BLTP3B: variants seen among roughly 807,000 people sequenced by gnomAD.
BLTP3B encodes the protein UHRF1 (ICBP90) binding protein 1-like.
At chr12:100,132,466 C>T in the BLTP3B span, among the ~76,000 whole-genome samples, 7 of 152,098 alleles carry the variant, frequency 4.6e-5, no homozygotes, top group African/African-American at 1.7e-4. Flanking sequence ...GTAGTTCTCA[C>T]GTGCGTAGGT....
At chr12:100,042,787 A>AT in the BLTP3B span, among the ~76,000 whole-genome samples, 1 of 152,152 alleles carries the variant, frequency 6.6e-6, no homozygotes, top group Non-Finnish European at 1.5e-5. Flanking sequence ...AATCATTAGC[A>AT]TTTTTTAGCA....
At chr12:100,066,629 T>TAA in the BLTP3B span, among the ~76,000 whole-genome samples, 3 of 136,112 alleles carry the variant, frequency 2.2e-5, no homozygotes, top group African/African-American at 2.6e-5. Flanking sequence ...CTGTCTCTAC[T>TAA]AAAAAAAAAA....
the BLTP3B span, among the ~76,000 whole-genome samples, chr12:100,040,573 G>A: frequency 6.6e-6 from 1 of 151,962 alleles, no homozygotes; most frequent in Non-Finnish European, 1.5e-5. Flanking sequence ...CTGGCAGAAG[G>A]CAGCCTGGAG....
the BLTP3B span, among the ~76,000 whole-genome samples, chr12:100,045,733 C>G: frequency 6.6e-6 from 1 of 152,164 alleles, no homozygotes; most frequent in Non-Finnish European, 1.5e-5. Context: ...CAAATGGGAT[C>G]TAATTAAACT....
At chr12:100,081,853 G>A in the BLTP3B span, among the ~76,000 whole-genome samples, 1 of 152,152 alleles carries the variant, frequency 6.6e-6, no homozygotes, top group Non-Finnish European at 1.5e-5. Flanking sequence ...TTGTTATTGT[G>A]AATAGTGCTG....
chr12:100,124,978 A>G, the BLTP3B span, among the ~76,000 whole-genome samples: 1 of 99,260 alleles, frequency 1.0e-5, no homozygotes, highest in Non-Finnish European at 1.9e-5. Context: ...ATATATATAT[A>G]TTTATATTTA....
At chr12:100,057,689 C>T in the BLTP3B span, 1 of 1,612,092 alleles carries the variant, frequency 6.2e-7, no homozygotes, top group East Asian at 2.2e-5. Context: ...TTTTCATATT[C>T]TTATAAGAAA....
chr12:100,087,920 TAA>T, the BLTP3B span, among the ~76,000 whole-genome samples: 2 of 152,168 alleles, frequency 1.3e-5, no homozygotes, highest in Non-Finnish European at 2.9e-5. Context: ...ATCTCTAAAG[TAA>T]AAGATGCCAA....
the BLTP3B span, chr12:100,050,027 AC>A: frequency 1.2e-6 from 1 of 834,382 alleles, no homozygotes; most frequent in Non-Finnish European, 1.7e-6. Context: ...TATAGAAAAA[AC>A]CACTAACTAC....
At chr12:100,097,420 G>A in the BLTP3B span, 1 of 1,613,484 alleles carries the variant, frequency 6.2e-7, no homozygotes, top group Non-Finnish European at 8.5e-7. Flanking sequence ...TCGAACAGGA[G>A]CACACATAAT....
chr12:100,059,368 T>C, the BLTP3B span: 162 of 1,613,948 alleles, frequency 1.0e-4, no homozygotes, highest in East Asian at 3.0e-3. Context: ...TATGTTTTAC[T>C]AAAAAAATCA....
At chr12:100,092,665 T>C in the BLTP3B span, 1 of 153,994 alleles carries the variant, frequency 6.5e-6, no homozygotes, top group Non-Finnish European at 1.4e-5. Context: ...TTCTAATCCA[T>C]ATTCCATTTT....
At chr12:100,114,532 A>G in the BLTP3B span, among the ~76,000 whole-genome samples, 1 of 152,224 alleles carries the variant, frequency 6.6e-6, no homozygotes, top group Non-Finnish European at 1.5e-5. Flanking sequence ...TGAAATTCTC[A>G]TTATCATATG....
the BLTP3B span, among the ~76,000 whole-genome samples, chr12:100,141,475 T>C: frequency 6.6e-6 from 1 of 151,878 alleles, no homozygotes; most frequent in Non-Finnish European, 1.5e-5. Context: ...TGCTATACTT[T>C]GCTACTTTTA....
the BLTP3B span, among the ~76,000 whole-genome samples, chr12:100,056,575 T>C: frequency 1.3e-5 from 2 of 152,050 alleles, no homozygotes; most frequent in East Asian, 3.9e-4. Context: ...TGGTGGCTCA[T>C]GCCTGTAATC....
At chr12:100,142,562 A>T in the BLTP3B span, 37 of 1,603,558 alleles carry the variant, frequency 2.3e-5, no homozygotes, top group African/African-American at 4.2e-4. Context: ...GTGGAGGCCG[A>T]CTGGCGCCGA....
chr12:100,111,667 A>G, the BLTP3B span, among the ~76,000 whole-genome samples: 1 of 151,898 alleles, frequency 6.6e-6, no homozygotes, highest in South Asian at 2.1e-4. Context: ...GTGCAGTGGC[A>G]CAATCTCAGC....
the BLTP3B span, among the ~76,000 whole-genome samples, chr12:100,125,500 A>G: frequency 6.6e-6 from 1 of 152,120 alleles, no homozygotes; most frequent in Admixed American, 6.5e-5. Flanking sequence ...AAAATAAAAC[A>G]TTAGCCGAGC....
chr12:100,095,656 T>G, the BLTP3B span: 4 of 1,593,936 alleles, frequency 2.5e-6, no homozygotes, highest in African/African-American at 5.4e-5. Context: ...CCTGTTAACT[T>G]TATAGCTTAC....
Sources: allele counts gnomAD v4.1 joint callset (sites outside exome capture counted in the v4.1 genomes callset), GRCh38; gene constraint gnomAD v4.1.1; transcripts MANE v1.5; gene names NCBI Gene and HGNC (gene_info 2026-07-23, HGNC 2026-07-21).